Variants in IQSEC1 observed in about 807,000 individuals in gnomAD.
The protein encoded by IQSEC1 is IQ motif and SEC7 domain-containing protein 1.
Under a neutral mutation model 91.0 loss-of-function variants are expected in IQSEC1, and 31 were observed. The observed-to-expected ratio is 0.34, with a 90% CI of 0.26 to 0.46. The LOEUF (loss-of-function observed/expected upper bound fraction) is 0.46, where lower values mean the gene tolerates loss of function less well. Ranked by LOEUF, IQSEC1 falls within the 20% of genes least tolerant of loss-of-function variation. IQSEC1 has a pLI of 1.00. For synonymous variants in IQSEC1, 699 were observed against 662.6 expected, an observed-to-expected ratio of 1.05 and a Z score of -0.84; for missense variants, 1,388 against 1,575.6, an observed-to-expected ratio of 0.88 and a Z score of 2.02.
chr3:12,991,268 G>A (rs1379247302), intron 1 of IQSEC1, among the ~76,000 whole-genome samples: 3 of 152,210 alleles, frequency 2.0e-5, no homozygotes, highest in Admixed American at 6.5e-5. Flanking sequence ...AACGGAGTTT[G>A]CCAGATGGCA....
At chr3:13,071,757 G>A (rs1442932332) in intron 1 of IQSEC1, among the ~76,000 whole-genome samples, 13 of 124,094 alleles carry the variant, frequency 1.0e-4, no homozygotes, top group African/African-American at 4.2e-4. Flanking sequence ...ACCAGAGGCC[G>A]CCATCCCCCG....
chr3:13,197,580 C>A (rs767687043), intron 1 of IQSEC1, among the ~76,000 whole-genome samples: 1 of 152,222 alleles, frequency 6.6e-6, no homozygotes, highest in Admixed American at 6.5e-5. Context: ...AGCTGCCCGC[C>A]CTATTCAGCA....
chr3:13,104,554 G>A (rs549125801), intron 2 of IQSEC1, among the ~76,000 whole-genome samples: 1 of 152,258 alleles, frequency 6.6e-6, no homozygotes, highest in African/African-American at 2.4e-5. Flanking sequence ...TCGGAACAGG[G>A]ACCACCTGGG....
At chr3:12,930,889 C>T (rs1184867806) in intron 3 of IQSEC1, among the ~76,000 whole-genome samples, 1 of 152,068 alleles carries the variant, frequency 6.6e-6, no homozygotes, top group African/African-American at 2.4e-5. Context: ...CTTCAGCATT[C>T]GGAGAGTCCC....
At chr3:12,923,101 A>G (rs1696787019) in intron 4 of IQSEC1, among the ~76,000 whole-genome samples, 1 of 151,972 alleles carries the variant, frequency 6.6e-6, no homozygotes, top group Non-Finnish European at 1.5e-5. Context: ...GTGACTTCGG[A>G]GCAGTGGGGA....
chr3:12,972,550 G>A (rs1477085645), intron 1 of IQSEC1, among the ~76,000 whole-genome samples: 1 of 152,214 alleles, frequency 6.6e-6, no homozygotes, highest in African/African-American at 2.4e-5. Context: ...CTCAGTGTCT[G>A]TTAACCACCA....
intron 1 of IQSEC1, among the ~76,000 whole-genome samples, chr3:13,014,140 G>C (rs965893302): frequency 4.6e-5 from 7 of 152,194 alleles, no homozygotes; most frequent in African/African-American, 1.7e-4. Context: ...CCCTGAACCT[G>C]ACCTCTTGGG....
rs1208777476 is a variant in IQSEC1 at position 13,008,286 on chromosome 3, C to T, written c.23+64706G>A. ...CCCGCGTCGAAGCTCAGAGGTGAGC[C>T]TCAGCTGACCCTCCCTCCAGCAAAT... On this transcript the variant is annotated intron_variant, in intron 1 of 13. Transcript: ENST00000613206. The surrounding 1 kb of genome is among the most constrained non-coding windows in gnomAD (Gnocchi z 4.1). 6.6e-6 allele frequency among the ~76,000 whole-genome samples: 1 copy of T among 152,218 alleles called. No individual in the cohort carries two copies. The highest frequency in any genetic ancestry group is 2.4e-5 in the African/African-American group (1 of 41,454).
rs1025664525 is a variant in IQSEC1, at chr3:13,036,007, T to C, written c.23+36985A>G. 4.0e-5 allele frequency among the ~76,000 whole-genome samples: 6 copies of C among 151,806 alleles called. No homozygotes were observed. The East Asian group carries it at 1.2e-3, about 29-fold the overall frequency. On this transcript the variant is annotated intron_variant, in intron 1 of 13. Transcript: ENST00000613206. ...AGCATTTGCAAGGTGAGGAAGGGAGTGAGTGGCTGGGTGGGTGCGTGGGCA... is the reference window on the plus strand; with the variant it reads ...AGCATTTGCAAGGTGAGGAAGGGAGCGAGTGGCTGGGTGGGTGCGTGGGCA...
chr3:13,036,882 C>T (rs1322315253), intron 1 of IQSEC1, among the ~76,000 whole-genome samples: 2 of 152,310 alleles, frequency 1.3e-5, no homozygotes, highest in African/African-American at 4.8e-5. Context: ...ACTAGTCCCA[C>T]ATCCTGAACC....
chr3:13,164,721 C>T (rs747446682), intron 1 of IQSEC1, among the ~76,000 whole-genome samples: 1 of 152,150 alleles, frequency 6.6e-6, no homozygotes, highest in Non-Finnish European at 1.5e-5. Context: ...TGTGACTACG[C>T]GGTATTGACA....
intron 1 of IQSEC1, among the ~76,000 whole-genome samples, chr3:12,956,051 G>C (rs1472233168): frequency 6.6e-6 from 1 of 152,124 alleles, no homozygotes; most frequent in African/African-American, 2.4e-5. Context: ...CTCATCTTGG[G>C]GACCTGACCA....
intron 1 of IQSEC1, among the ~76,000 whole-genome samples, chr3:13,216,835 T>G (rs1191792516): frequency 6.6e-6 from 1 of 152,184 alleles, no homozygotes; most frequent in East Asian, 1.9e-4. Flanking sequence ...ATACACACAT[T>G]TAACTTCACT....
chr3:13,201,512 T>C (rs1288820087), intron 1 of IQSEC1, among the ~76,000 whole-genome samples: 2 of 152,164 alleles, frequency 1.3e-5, no homozygotes, highest in African/African-American at 4.8e-5. Context: ...ATTTATTTAT[T>C]TATTTATTTT....
chr3:12,991,890 G>A (rs1702007997), intron 1 of IQSEC1, among the ~76,000 whole-genome samples: 1 of 152,178 alleles, frequency 6.6e-6, no homozygotes, highest in African/African-American at 2.4e-5. Flanking sequence ...GGCAGGGCAG[G>A]GCAGGTTGGT....
rs144531449 is a variant in IQSEC1, at chr3:13,061,486, T to G, written c.23+11506A>C. Among the ~76,000 whole-genome samples, 545 of 152,312 alleles carry G rather than the reference T, an allele frequency of 3.6e-3. 6 individuals carry two copies. The highest frequency in any genetic ancestry group is 0.012 in the African/African-American group (502 of 41,564). ...GCAAGAGGGGGATGTGCCAGCCCAG[T>G]GGTGCAGCTGGATCCTGAACATCAG... On this transcript the variant is annotated intron_variant, in intron 1 of 13. Coordinates refer to ENST00000613206, the MANE Select transcript of IQSEC1 (RefSeq NM_001134382.3).
chr3:13,193,756 G>A lies in IQSEC1; in HGVS notation c.273-29623C>T, dbSNP rs931969877. 2.6e-5 allele frequency among the ~76,000 whole-genome samples: 4 copies of A among 152,222 alleles called. No individual in the cohort carries two copies. Among genetic ancestry groups the A allele is most frequent in the South Asian group, 4.1e-4 (2 of 4,820 alleles). On this transcript the variant is annotated intron_variant, in intron 1 of 15. Coordinates refer to the IQSEC1 transcript ENST00000648114. This position sits in a 1 kb window ranked among gnomAD's most constrained non-coding sequence, Gnocchi z 4.2. ...TCCCTGGACACATGCTGTGCTGGAC[G>A]CTGTCCCACTTCCCCCGGCCCCACA...
intron 1 of IQSEC1, among the ~76,000 whole-genome samples, chr3:12,978,206 G>T (rs774661725): frequency 6.6e-6 from 1 of 152,180 alleles, no homozygotes; most frequent in Non-Finnish European, 1.5e-5. Flanking sequence ...TAAGTAATTT[G>T]CACTAAGACA....
At chr3:13,235,158 G>GT (rs1452650943) in intron 1 of IQSEC1, among the ~76,000 whole-genome samples, 15 of 152,280 alleles carry the variant, frequency 9.9e-5, no homozygotes, top group Non-Finnish European at 1.5e-4. Flanking sequence ...AAAAGGGAGA[G>GT]TCCCCATCCA....
Sources: allele counts gnomAD v4.1 joint callset (sites outside exome capture counted in the v4.1 genomes callset), GRCh38; gene constraint gnomAD v4.1.1; non-coding constraint Gnocchi (gnomAD v3.1); transcripts MANE v1.5; gene names NCBI Gene and HGNC (gene_info 2026-07-23, HGNC 2026-07-21).